The following MUC6 variants were observed in gnomAD, a reference collection of about 807,000 sequenced individuals.
The protein encoded by MUC6 is mucin 6, oligomeric mucus/gel-forming (gene/pseudogene).
In MUC6, 188 loss-of-function variants were observed where a neutral mutation model predicts 201.5. The observed-to-expected ratio is 0.93, with a 90% CI of 0.83 to 1.05. MUC6 has a LOEUF of 1.05. Ranked by LOEUF, MUC6 falls within the 50% of genes least tolerant of loss-of-function variation. MUC6 has a pLI of 0.00. For missense variants in MUC6, 2,706 were observed against 3,256.9 expected, an observed-to-expected ratio of 0.83 and a Z score of 4.12; for synonymous variants, 1,228 against 1,389.4, an observed-to-expected ratio of 0.88 and a Z score of 2.58.
intron 20 of MUC6, 47 bp downstream of exon 20, chr11:1,026,278 CCA>C: frequency 9.0e-6 from 14 of 1,549,262 alleles, no homozygotes; most frequent in Non-Finnish European, 1.2e-5. Context: ...TCCGCCTGCC[CCA>C]GATGGCCCCA....
intron 1 of MUC6, among the ~76,000 whole-genome samples, chr11:1,035,000 C>G (rs1307060810): frequency 6.6e-6 from 1 of 152,248 alleles, no homozygotes; most frequent in Non-Finnish European, 1.5e-5. Context: ...GCATGGGCAT[C>G]TGGGCGGGTT....
intron 32 of MUC6, 48 bp downstream of exon 32, chr11:1,013,851 G>T: frequency 6.5e-7 from 1 of 1,550,300 alleles, no homozygotes; most frequent in Non-Finnish European, 8.7e-7. Context: ...GGGTGGGGTT[G>T]TGAGCACCTT....
chr11:1,014,421 G>A (rs933308656), intron 31 of MUC6, among the ~76,000 whole-genome samples: 5 of 152,302 alleles, frequency 3.3e-5, no homozygotes, highest in East Asian at 3.9e-4. Flanking sequence ...ACCCCAGAGC[G>A]GGACATATGG....
chr11:1,025,732 G>A (rs1856940365), intron 22 of MUC6, 73 bp downstream of exon 22: 5 of 1,372,604 alleles, frequency 3.6e-6, no homozygotes, highest in Non-Finnish European at 5.0e-6. Context: ...AGGCTCCAGT[G>A]CGCGGGATCC....
chr11:1,028,170 G>C, intron 14 of MUC6, 56 bp downstream of exon 14: 1 of 1,539,580 alleles, frequency 6.5e-7, no homozygotes, highest in Non-Finnish European at 8.8e-7. Context: ...CCAGGGGTCT[G>C]TCAGAACTGT....
Position 1,023,370 on chromosome 11 carries a change from G to A in MUC6, c.3526+139C>T, listed in dbSNP as rs977204941. The A allele has an allele frequency of 3.3e-5, 36 of 1,097,794 alleles. No homozygotes were observed. In the African/African-American group the frequency reaches 5.3e-4, roughly 16 times the overall value. The allele number at this position is 1,097,794 out of a possible 1,614,324, so 68.0% of individuals were successfully genotyped here. A position where few individuals can be genotyped will look rare whatever the true frequency, so the allele number is the denominator to read the frequency against. On this transcript the variant is annotated intron_variant, in intron 26 of 32. Transcript: ENST00000421673. Reference sequence around the variant, plus strand: ...TGTGCGTGAGTGTGTGTGAATGAATGTGTGCAAATTAATGAATGTGTGAAT... The same window carrying A: ...TGTGCGTGAGTGTGTGTGAATGAATATGTGCAAATTAATGAATGTGTGAAT...
intron 24 of MUC6, 127 bp from the exon 25 acceptor site, chr11:1,024,230 G>C (rs1856895080): frequency 8.8e-7 from 1 of 1,141,350 alleles, no homozygotes; most frequent in Non-Finnish European, 1.2e-6. Flanking sequence ...GACTGGGTGA[G>C]CGGCACCACG....
In MUC6 at chr11:1,030,487, G is replaced by A. The variant is rs538432619; in HGVS notation, c.892+86C>T. 2.4e-5 allele frequency: 34 copies of A among 1,437,816 alleles called. No individual in the cohort carries two copies. The South Asian group carries it at 3.6e-4, about 15-fold the overall frequency. The allele number at this position is 1,437,816 out of a possible 1,614,324, so 89.1% of individuals were successfully genotyped here. ...CTCTCAGACCAGGAGGGATGCAGGC[G>A]TCACGTCAGGCAGTCCAGGGGCTGG... On this transcript the variant is annotated intron_variant, in intron 7 of 32. Transcript: ENST00000421673.
In MUC6 at chr11:1,034,370, C is replaced by T. The variant is rs542852658; in HGVS notation, c.53-1295G>A. 7.9e-5 allele frequency among the ~76,000 whole-genome samples: 12 copies of T among 152,294 alleles called. No homozygotes were observed. In the South Asian group the frequency reaches 2.5e-3, roughly 32 times the overall value. Reference sequence around the variant, plus strand: ...GGTGTGGGGGTGGCTCATGCTGGGCCCTGAGCCTGGCGAGCACCTACCCCC... The same window carrying T: ...GGTGTGGGGGTGGCTCATGCTGGGCTCTGAGCCTGGCGAGCACCTACCCCC... On this transcript the variant is annotated intron_variant, in intron 1 of 32. Transcript: ENST00000421673.
At chr11:1,018,866 C>T in intron 30 of MUC6, 96 bp from the exon 31 acceptor site, 7 of 1,439,548 alleles carry the variant, frequency 4.9e-6, no homozygotes, top group Admixed American at 2.4e-5. Context: ...CTTTTTCTTG[C>T]CTGTCTGTGC....
rs1237887997 is a variant in MUC6, at chr11:1,016,146, G to C, written c.6655C>G (p.Pro2219Ala). 7 of 1,613,592 alleles carry C rather than the reference G, an allele frequency of 4.3e-6. No individual in the cohort carries two copies. Among genetic ancestry groups the C allele is most frequent in the African/African-American group, 2.7e-5 (2 of 74,840 alleles). The stretch of plus-strand genomic sequence containing the variant: ...GGGAGTAGAGCAGAGAGGGTGAAAG[G>C]AGAGGAGATAGTGTGGGGGAGAGTG... Reference protein sequence around the residue: ...RATLPHTISSPFTLSALLPIS... With the variant: ...RATLPHTISSAFTLSALLPIS... Residue 2219 changes from proline to alanine, a missense_variant, in exon 31 of 33, where the codon CCT becomes GCT. Pro to Ala is a conservative substitution (Grantham distance 27, BLOSUM62 -1). Around this residue, in one of 10 missense-constraint regions of MUC6, gnomAD observed 586 missense variants for 488.0 expected, o/e 1.20. Coordinates refer to ENST00000421673, the MANE Select transcript of MUC6 (RefSeq NM_005961.3).
At position 1,033,337 on chromosome 11, in the gene MUC6, T is replaced by G. The variant is rs1590056725; in HGVS notation, c.53-262A>C. ...CAGTCCCAGTTCAGCCGTCAGCCCCTCGGGGTTCGGCAGATGGCGGGCACC... is the reference window on the plus strand; with the variant it reads ...CAGTCCCAGTTCAGCCGTCAGCCCCGCGGGGTTCGGCAGATGGCGGGCACC... On this transcript the variant is annotated intron_variant, in intron 1 of 32. Coordinates refer to ENST00000421673, the MANE Select transcript of MUC6 (RefSeq NM_005961.3). This position sits in a 1 kb window ranked among gnomAD's most constrained non-coding sequence, Gnocchi z 5.6. 1.8e-6 allele frequency: 1 copy of G among 545,548 alleles called. No individual in the cohort carries two copies. Among genetic ancestry groups the G allele is most frequent in the African/African-American group, 1.9e-5 (1 of 52,890 alleles). 33.8% of individuals were successfully genotyped at this position (545,548 alleles called of 1,614,324 possible).
chr11:1,025,045 G>A lies in MUC6; in HGVS notation c.3024C>T (p.Asn1008=), dbSNP rs1856919324. 1 of 1,612,776 alleles carries A rather than the reference G, an allele frequency of 6.2e-7. No individual in the cohort carries two copies. The highest frequency in any genetic ancestry group is 1.7e-5 in the Admixed American group (1 of 59,964). Reference sequence around the variant, plus strand: ...TGCGCGTCTCGAAGTCGTCCTTCATGTTCCCGTTGAAGTTGCCACACAAGC... The same window carrying A: ...TGCGCGTCTCGAAGTCGTCCTTCATATTCCCGTTGAAGTTGCCACACAAGC... ...LCGLCGNFNG[N]MKDDFETRSR... The change falls in exon 24 of 33, where the codon AAC becomes AAT. Residue 1008 remains asparagine, a synonymous_variant. Coordinates refer to ENST00000421673, the MANE Select transcript of MUC6 (RefSeq NM_005961.3).
intron 26 of MUC6, among the ~76,000 whole-genome samples, chr11:1,022,720 G>A (rs1207454338): frequency 2.0e-5 from 3 of 152,260 alleles, no homozygotes; most frequent in East Asian, 1.9e-4. Context: ...GGAGGACAGA[G>A]GTGCTCAGGA....
At position 1,028,065 on chromosome 11, in the gene MUC6, G is replaced by T; in HGVS notation, c.1754-6C>A. 2.6e-6 allele frequency: 4 copies of T among 1,565,752 alleles called. No homozygotes were observed. The highest frequency in any genetic ancestry group is 3.5e-6 in the Non-Finnish European group (4 of 1,155,604). On this transcript the variant is annotated splice_region_variant and splice_polypyrimidine_tract_variant and intron_variant, in intron 14 of 32. Coordinates refer to ENST00000421673, the MANE Select transcript of MUC6 (RefSeq NM_005961.3). ...GTGGGTCTCTGCACACACCTCTGGG[G>T]ATGACAGGCCCGGGCGTGAGTCCCG...
Position 1,022,360 on chromosome 11 carries a change from T to C in MUC6, c.3527-1083A>G, listed in dbSNP as rs1856836173. 2.6e-5 allele frequency among the ~76,000 whole-genome samples: 4 copies of C among 151,422 alleles called. No homozygotes were observed. The South Asian group carries it at 8.3e-4, about 32-fold the overall frequency. On this transcript the variant is annotated intron_variant, in intron 26 of 32. Coordinates refer to ENST00000421673, the MANE Select transcript of MUC6 (RefSeq NM_005961.3). ...CCCCTCCACCGCTCCCTCTGCCCTC[T>C]GCAGCCCGCGCCCCTCACTCGCTGG...
At chr11:1,030,176 G>A (rs1347774456) in intron 8 of MUC6, 37 bp downstream of exon 8, 2 of 1,539,516 alleles carry the variant, frequency 1.3e-6, no homozygotes, top group Non-Finnish European at 1.8e-6. Flanking sequence ...TCTCTCTAGG[G>A]GTCCCGGGGA....
Position 1,033,243 on chromosome 11 carries a change from C to G in MUC6, c.53-168G>C. ...CCTCAACAGCAAGCCAAGCGCTTGG[C>G]CTCCCATGCTGTCCTTCACGAGCCC... On this transcript the variant is annotated intron_variant, in intron 1 of 32. Transcript: ENST00000421673. This position sits in a 1 kb window ranked among gnomAD's most constrained non-coding sequence, Gnocchi z 5.6. The G allele has an allele frequency of 1.6e-6, 1 of 630,914 alleles. No individual in the cohort carries two copies. Among genetic ancestry groups the G allele is most frequent in the South Asian group, 1.8e-5 (1 of 57,126 alleles). The allele number at this position is 630,914 out of a possible 1,614,324, so 39.1% of individuals were successfully genotyped here. A position where few individuals can be genotyped will look rare whatever the true frequency, so the allele number is the denominator to read the frequency against.
chr11:1,020,252 G>C lies in MUC6; in HGVS notation c.3646C>G (p.Arg1216Gly), dbSNP rs560520529. 122 of 1,600,976 alleles carry C rather than the reference G, an allele frequency of 7.6e-5. No individual in the cohort carries two copies. The East Asian group carries it at 2.5e-3, about 33-fold the overall frequency. The change falls in exon 29 of 33, where the codon CGG (arginine) becomes GGG (glycine). Residue 1216 changes from arginine (R) to glycine (G), a missense_variant. Physicochemically the swap from Arg to Gly is moderately radical, Grantham distance 125. Transcript: ENST00000421673. ...TTPQLPTTGS[R>G]PTQVWPMTGT... ...GTCATGGGCCAGACTTGCGTGGGCCGTGAGCCTGGGTGGGCGGACATGCCA... is the reference window on the plus strand; with the variant it reads ...GTCATGGGCCAGACTTGCGTGGGCCCTGAGCCTGGGTGGGCGGACATGCCA...
Sources: allele counts gnomAD v4.1 joint callset (sites outside exome capture counted in the v4.1 genomes callset), GRCh38; gene constraint gnomAD v4.1.1; regional missense constraint gnomAD v4.1.1; non-coding constraint Gnocchi (gnomAD v3.1); transcripts MANE v1.5; gene names NCBI Gene and HGNC (gene_info 2026-07-23, HGNC 2026-07-21).